Variants in MAD1L1 observed in about 807,000 individuals in gnomAD.
MAD1L1 encodes the protein mitotic spindle assembly checkpoint protein MAD1.
Under a neutral mutation model 96.9 loss-of-function variants are expected in MAD1L1, and 95 were observed. The ratio of observed to expected loss-of-function variants is 0.98; its 90% CI spans 0.83 to 1.16. The LOEUF (loss-of-function observed/expected upper bound fraction) is 1.16. MAD1L1 is among the 50% of genes most tolerant of loss of function. The probability of loss-of-function intolerance (pLI) is 0.00; values close to 1 mark genes in which losing one functional copy is unlikely to be tolerated. For synonymous variants in MAD1L1, 473 were observed against 396.6 expected (o/e 1.19, Z -2.29); for missense variants, 1,007 against 954.4 (o/e 1.06, Z -0.73).
intron 18 of MAD1L1, among the ~76,000 whole-genome samples, chr7:1,853,752 G>A (rs1241187513): frequency 1.3e-5 from 2 of 151,962 alleles, no homozygotes; most frequent in African/African-American, 2.4e-5. Context: ...AATGACAGGA[G>A]GCAGCTGGGA....
chr7:1,955,957 T>C (rs1291700620), intron 16 of MAD1L1, among the ~76,000 whole-genome samples: 3 of 114,176 alleles, frequency 2.6e-5, no homozygotes, highest in African/African-American at 1.0e-4. Context: ...TAAACTTCTT[T>C]GGTTTGGATG....
At chr7:2,007,419 C>T (rs371585446) in intron 13 of MAD1L1, among the ~76,000 whole-genome samples, 8 of 152,232 alleles carry the variant, frequency 5.3e-5, no homozygotes, top group Admixed American at 2.0e-4. Flanking sequence ...CGGTGGCTCA[C>T]GCCTGGAATC....
chr7:1,906,632 G>T (rs1367513696), intron 17 of MAD1L1, among the ~76,000 whole-genome samples: 2 of 152,232 alleles, frequency 1.3e-5, no homozygotes, highest in African/African-American at 4.8e-5. Context: ...GTGCAACTGG[G>T]CCTCATGCTG....
At chr7:2,153,513 T>G (rs1336773982) in intron 10 of MAD1L1, among the ~76,000 whole-genome samples, 1 of 152,150 alleles carries the variant, frequency 6.6e-6, no homozygotes, top group Non-Finnish European at 1.5e-5. Context: ...TACCTCAGCT[T>G]AAAATGGCTA....
chr7:1,915,002 G>C lies in MAD1L1; in HGVS notation c.1808-16612C>G, dbSNP rs1296042096. On this transcript the variant is annotated intron_variant, in intron 17 of 18. Transcript: ENST00000265854. ...GCATCTAAGGATAGTGTGGGCCTCTGGTTTTCCAGAGCCGAGCCCTCCCTG... is the reference window on the plus strand; with the variant it reads ...GCATCTAAGGATAGTGTGGGCCTCTCGTTTTCCAGAGCCGAGCCCTCCCTG... Among the ~76,000 whole-genome samples, 8 of 152,248 alleles carry C rather than the reference G, an allele frequency of 5.3e-5. No homozygotes were observed. The East Asian group carries it at 1.4e-3, about 26-fold the overall frequency.
chr7:2,108,622 G>C (rs902418417), intron 11 of MAD1L1, among the ~76,000 whole-genome samples: 1 of 152,192 alleles, frequency 6.6e-6, no homozygotes, highest in Admixed American at 6.5e-5. Context: ...TCTGAACAAA[G>C]CCTTCCTCTG....
At chr7:1,897,391 C>A (rs577822187) in intron 18 of MAD1L1, among the ~76,000 whole-genome samples, 1 of 152,338 alleles carries the variant, frequency 6.6e-6, no homozygotes, top group South Asian at 2.1e-4. Flanking sequence ...GCCCCCTCCA[C>A]CCTTCCTGAA....
At chr7:2,232,678 AG>A in intron 1 of MAD1L1, among the ~76,000 whole-genome samples, 193 bp downstream of exon 1, 1 of 152,082 alleles carries the variant, frequency 6.6e-6, no homozygotes, top group Admixed American at 6.5e-5. Context: ...GAGTGGGGAG[AG>A]GAGGGGAGAG....
chr7:1,846,088 C>T (rs1783605195), intron 18 of MAD1L1: 3 of 152,730 alleles, frequency 2.0e-5, no homozygotes, highest in African/African-American at 7.2e-5. Flanking sequence ...GCTGAAACCC[C>T]AGGCATTTCC....
At chr7:1,976,706 T>C (rs1780659304) in intron 15 of MAD1L1, among the ~76,000 whole-genome samples, 1 of 152,206 alleles carries the variant, frequency 6.6e-6, no homozygotes, top group Admixed American at 6.5e-5. Flanking sequence ...AGAAAGCTGA[T>C]TGGTCTGTTT....
intron 18 of MAD1L1, among the ~76,000 whole-genome samples, chr7:1,838,059 A>G (rs1466997323): frequency 6.6e-6 from 1 of 152,138 alleles, no homozygotes; most frequent in East Asian, 1.9e-4. Flanking sequence ...CTCTGCCTGG[A>G]CTGGGAAACA....
rs1779060146 is a variant in MAD1L1, at chr7:1,942,753, G to C, written c.1597-5856C>G. Among the ~76,000 whole-genome samples, 6 of 152,208 alleles carry C rather than the reference G, an allele frequency of 3.9e-5. No individual in the cohort carries two copies. The South Asian group carries it at 1.2e-3, about 31-fold the overall frequency. ...ACATTCTGTACAATCCCAGGACTCA[G>C]CCGGCCTCCCTGAAGAACTGATAAG... is the stretch of plus-strand genomic sequence containing the variant. On this transcript the variant is annotated intron_variant, in intron 16 of 18. Transcript: ENST00000265854.
chr7:2,002,205 C>G (rs1466224600), intron 13 of MAD1L1, 84 bp from the exon 14 acceptor site: 2 of 1,335,410 alleles, frequency 1.5e-6, no homozygotes, highest in African/African-American at 1.4e-5. Context: ...ACCCCCACCA[C>G]CCCGCAGCCT....
At chr7:2,160,357 G>C (rs1196344200) in intron 10 of MAD1L1, among the ~76,000 whole-genome samples, 1 of 127,294 alleles carries the variant, frequency 7.9e-6, no homozygotes, top group Non-Finnish European at 1.6e-5. Flanking sequence ...TTTTGAGACA[G>C]AGTCTCACTC....
chr7:1,879,241 A>G (rs930572558), intron 18 of MAD1L1, among the ~76,000 whole-genome samples: 3 of 152,108 alleles, frequency 2.0e-5, no homozygotes, highest in Non-Finnish European at 4.4e-5. Flanking sequence ...GGATTGCCTG[A>G]AGTCAGGAGT....
At chr7:2,123,025 C>G (rs568512644) in intron 11 of MAD1L1, among the ~76,000 whole-genome samples, 2 of 151,116 alleles carry the variant, frequency 1.3e-5, no homozygotes, top group East Asian at 3.9e-4. Context: ...GCAGGGGAGC[C>G]GGGCGCAGTG....
chr7:2,157,843 C>A (rs1344788018), intron 10 of MAD1L1, among the ~76,000 whole-genome samples: 2 of 152,232 alleles, frequency 1.3e-5, no homozygotes, highest in Non-Finnish European at 2.9e-5. Flanking sequence ...GTGGTTAAAG[C>A]TACTCAGAGA....
chr7:2,043,894 G>A (rs926011230), intron 12 of MAD1L1, among the ~76,000 whole-genome samples: 6 of 152,238 alleles, frequency 3.9e-5, no homozygotes, highest in African/African-American at 1.4e-4. Context: ...CCCCTGGAAC[G>A]TGGCAGACCT....
intron 3 of MAD1L1, among the ~76,000 whole-genome samples, chr7:2,229,545 T>C (rs1252022055): frequency 2.6e-5 from 4 of 152,186 alleles, no homozygotes; most frequent in Non-Finnish European, 4.4e-5. Flanking sequence ...AAACACCCAG[T>C]CCTTCTGCTC....
Sources: gnomAD v4.1 joint callset for allele counts (sites outside exome capture counted in the v4.1 genomes callset) on GRCh38, gnomAD v4.1.1 for gene constraint, MANE v1.5 for transcripts, NCBI Gene and HGNC (gene_info 2026-07-23, HGNC 2026-07-21) for gene names.